LGI1: variants seen among roughly 807,000 people sequenced by gnomAD.
The protein encoded by LGI1 is leucine rich glioma inactivated 1.
LGI1 carries 11 observed loss-of-function variants against 57.7 expected under a neutral mutation model. The ratio of observed to expected loss-of-function variants is 0.19; its 90% CI spans 0.12 to 0.32. LGI1 has a LOEUF of 0.32. Among genes scored for constraint, LGI1 ranks in the 10% least tolerant of loss-of-function variants. The probability of loss-of-function intolerance (pLI) is 1.00; values close to 1 mark genes in which losing one functional copy is unlikely to be tolerated. For synonymous variants in LGI1, 222 were observed against 241.9 expected, an observed-to-expected ratio of 0.92 and a Z score of 0.76; for missense variants, 422 against 661.9, an observed-to-expected ratio of 0.64 and a Z score of 3.98.
chr10:93,762,347 T>G (rs2059633057), intron 2 of LGI1: 1 of 152,070 alleles, frequency 6.6e-6, no homozygotes, highest in African/African-American at 2.4e-5. Context: ...CATAAGAAAT[T>G]AAAAACTAAA....
chr10:93,763,082 C>T (rs890299932), intron 2 of LGI1: 1 of 152,288 alleles, frequency 6.6e-6, no homozygotes, highest in Non-Finnish European at 1.5e-5. Flanking sequence ...TGGCAGGAGC[C>T]TCCACGCCTC....
chr10:93,776,451 T>G lies in LGI1; in HGVS notation c.288-928T>G, dbSNP rs371900463. On this transcript the variant is annotated intron_variant, in intron 2 of 7. Transcript: ENST00000371418. ...ATGACAAATAAATTACTCATAAATG[T>G]TCACAAAGTGAGATCTCCTAGTTTT... Among the ~76,000 whole-genome samples, 16 of 152,310 alleles carry G rather than the reference T, an allele frequency of 1.1e-4. No individual in the cohort carries two copies. The East Asian group carries it at 2.7e-3, about 26-fold the overall frequency.
intron 7 of LGI1, among the ~76,000 whole-genome samples, chr10:93,795,962 G>A (rs1448097402): frequency 6.6e-6 from 1 of 152,230 alleles, no homozygotes; most frequent in Non-Finnish European, 1.5e-5. Flanking sequence ...CCGCACTAGC[G>A]CTGTAGTCAG....
At position 93,797,520 on chromosome 10, in the gene LGI1, C is replaced by T. The variant is rs747229730; in HGVS notation, c.1391C>T (p.Ser464Leu). ...AAAGTCATGAAATGGGGAGGCTCCT[C>T]GTTCCAGGATATTCAGAGGATGCCA... The part of the protein sequence containing the change: ...DSKVMKWGGS[S>L]FQDIQRMPSR... The change falls in exon 8 of 8, where the codon TCG becomes TTG. Residue 464 changes from serine to leucine, a missense_variant. Physicochemically the swap from Ser to Leu is moderately radical, Grantham distance 145. Around this residue, in one of 3 missense-constraint regions of LGI1, gnomAD observed 301 missense variants for 461.7 expected, o/e 0.65. Coordinates refer to ENST00000371418, the MANE Select transcript of LGI1 (RefSeq NM_005097.4). The surrounding 1 kb of genome is among the most constrained non-coding windows in gnomAD (Gnocchi z 6.5). The T allele has an allele frequency of 6.0e-5, 97 of 1,614,036 alleles. No homozygotes were observed. The highest frequency in any genetic ancestry group is 7.8e-5 in the Non-Finnish European group (92 of 1,180,036).
At chr10:93,765,965 G>A (rs764593984) in intron 2 of LGI1, among the ~76,000 whole-genome samples, 5 of 89,888 alleles carry the variant, frequency 5.6e-5, no homozygotes, top group South Asian at 8.7e-4. Flanking sequence ...GTAAGCCTCC[G>A]TCTCAAAAAA....
chr10:93,776,407 T>C (rs2059794785), intron 2 of LGI1, among the ~76,000 whole-genome samples: 1 of 152,156 alleles, frequency 6.6e-6, no homozygotes, highest in Non-Finnish European at 1.5e-5. Flanking sequence ...CCTCCTCTGA[T>C]TATTTGAAGC....
intron 2 of LGI1, chr10:93,766,862 T>G (rs2059685678): frequency 6.6e-6 from 1 of 152,150 alleles, no homozygotes; most frequent in Non-Finnish European, 1.5e-5. Context: ...TAGATATAAT[T>G]ATCTCCATTT....
intron 5 of LGI1, chr10:93,790,380 C>A: frequency 1.8e-6 from 1 of 561,136 alleles, no homozygotes; most frequent in Non-Finnish European, 3.1e-6. Flanking sequence ...GAATACATGG[C>A]ACCCAGGCAT....
intron 2 of LGI1, chr10:93,759,083 T>G (rs1303505110): frequency 5.8e-6 from 3 of 515,702 alleles, no homozygotes; most frequent in African/African-American, 5.8e-5. Context: ...TGTTGGAATC[T>G]TGCAACAATG....
rs2134013378 is a variant in LGI1, at chr10:93,786,089, ACAG to A, written c.432-4008_432-4006del. Among the ~76,000 whole-genome samples the A allele has an allele frequency of 4.3e-5, 2 of 46,354 alleles. 1 individual carries two copies. Among genetic ancestry groups the A allele is most frequent in the South Asian group, 3.3e-3 (2 of 614 alleles). 30.4% of individuals were successfully genotyped at this position (46,354 alleles called of 152,430 possible). Reference sequence around the variant, plus strand: ...TGGCTTTAAGCTGGCGCAAAGAACCACAGCGGTGGCTTCAAGCCTCGGCTGCCC... The same window carrying A: ...TGGCTTTAAGCTGGCGCAAAGAACCACGGTGGCTTCAAGCCTCGGCTGCCC... On this transcript the variant is annotated intron_variant, in intron 4 of 7. Coordinates refer to ENST00000371418, the MANE Select transcript of LGI1 (RefSeq NM_005097.4).
chr10:93,777,666 C>A, intron 4 of LGI1, 49 bp downstream of exon 4: 1 of 1,432,544 alleles, frequency 7.0e-7, no homozygotes, highest in African/African-American at 1.4e-5. Flanking sequence ...ATGGACAATG[C>A]AGTTTGATCA....
At chr10:93,787,471 C>G (rs2059900370) in intron 4 of LGI1, among the ~76,000 whole-genome samples, 1 of 152,182 alleles carries the variant, frequency 6.6e-6, no homozygotes, top group Non-Finnish European at 1.5e-5. Flanking sequence ...AAAATACTGC[C>G]TCTCCATTCT....
At chr10:93,794,249 C>T (rs747024653) in intron 7 of LGI1, 2 of 151,832 alleles carry the variant, frequency 1.3e-5, no homozygotes, top group Non-Finnish European at 2.9e-5. Context: ...GAACTCCTGA[C>T]CTCATGATCC....
In LGI1 at chr10:93,797,898, T is replaced by C. The variant is rs751724848; in HGVS notation, c.*95T>C. ...TGACTCTTCTTATCACACTTGCAAA[T>C]GAATGCCTTTCAAACATTGAGACTG... On this transcript the variant is annotated 3_prime_UTR_variant, in exon 8 of 8. Coordinates refer to ENST00000371418, the MANE Select transcript of LGI1 (RefSeq NM_005097.4). The surrounding 1 kb of genome is among the most constrained non-coding windows in gnomAD (Gnocchi z 6.5). 2 of 866,506 alleles carry C rather than the reference T, an allele frequency of 2.3e-6. No homozygotes were observed. The highest frequency in any genetic ancestry group is 3.9e-6 in the Non-Finnish European group (2 of 517,550). 53.7% of individuals were successfully genotyped at this position (866,506 alleles called of 1,614,324 possible). A position where few individuals can be genotyped will look rare whatever the true frequency, so the allele number is the denominator to read the frequency against.
At chr10:93,786,974 T>C (rs1277725228) in intron 4 of LGI1, among the ~76,000 whole-genome samples, 2 of 152,242 alleles carry the variant, frequency 1.3e-5, no homozygotes, top group African/African-American at 4.8e-5. Flanking sequence ...CAAATCCCTC[T>C]GCCTACTTTC....
intron 4 of LGI1, among the ~76,000 whole-genome samples, chr10:93,783,917 C>T (rs1260813966): frequency 1.3e-5 from 2 of 152,166 alleles, no homozygotes; most frequent in African/African-American, 2.4e-5. Context: ...GAGGCTGAGG[C>T]AGGAGAATTG....
chr10:93,770,975 AAACTT>A (rs2059730992), intron 2 of LGI1: 2 of 152,208 alleles, frequency 1.3e-5, no homozygotes, highest in African/African-American at 4.8e-5. Flanking sequence ...ATTGAGCACT[AAACTT>A]AATAAGTATC....
chr10:93,774,755 G>A (rs1042827966), intron 2 of LGI1, among the ~76,000 whole-genome samples: 4 of 152,084 alleles, frequency 2.6e-5, no homozygotes, highest in Non-Finnish European at 5.9e-5. Flanking sequence ...GGTTGGGCAC[G>A]GTTTCCCTTA....
intron 4 of LGI1, chr10:93,778,639 T>C (rs1313636286): frequency 6.6e-6 from 1 of 152,224 alleles, no homozygotes; most frequent in Non-Finnish European, 1.5e-5. Context: ...ATTGTTGAAT[T>C]GCAGTGACTC....
Sources: allele counts gnomAD v4.1 joint callset (sites outside exome capture counted in the v4.1 genomes callset), GRCh38; gene constraint gnomAD v4.1.1; regional missense constraint gnomAD v4.1.1; non-coding constraint Gnocchi (gnomAD v3.1); transcripts MANE v1.5; gene names NCBI Gene and HGNC (gene_info 2026-07-23, HGNC 2026-07-21).